The following GRB10 variants were observed in gnomAD, a reference collection of about 807,000 sequenced individuals.
The protein encoded by GRB10 is growth factor receptor bound protein 10.
In GRB10, 20 loss-of-function variants were observed where a neutral mutation model predicts 80.9. The observed-to-expected ratio is 0.25, with a 90% CI of 0.17 to 0.36. The LOEUF is 0.36. Among genes scored for constraint, GRB10 ranks in the 10% least tolerant of loss-of-function variants. The pLI is 1.00. For synonymous variants in GRB10, 291 were observed against 291.5 expected (o/e 1.00, Z 0.02); for missense variants, 548 against 747.7 (o/e 0.73, Z 3.12).
intron 7 of GRB10, among the ~76,000 whole-genome samples, chr7:50,660,713 G>A (rs182920998): frequency 7.4e-4 from 113 of 152,300 alleles, no homozygotes; most frequent in African/African-American, 2.6e-3. Context: ...CAGGTGTGAG[G>A]GGGGCCGAGG....
chr7:50,776,711 T>G (rs1456689606), intron 2 of GRB10, among the ~76,000 whole-genome samples: 1 of 152,240 alleles, frequency 6.6e-6, no homozygotes, highest in Non-Finnish European at 1.5e-5. Context: ...TTCAGCCAAG[T>G]TCTTTGCGCC....
At chr7:50,638,811 T>C (rs1043409384) in intron 7 of GRB10, among the ~76,000 whole-genome samples, 1 of 152,330 alleles carries the variant, frequency 6.6e-6, no homozygotes, top group East Asian at 1.9e-4. Context: ...CAAAGCACTA[T>C]TCACAATGGC....
intron 2 of GRB10, among the ~76,000 whole-genome samples, chr7:50,775,182 A>AAAAAAAAAAAAAC (rs1320410739): frequency 6.7e-6 from 1 of 149,128 alleles, no homozygotes; most frequent in Non-Finnish European, 1.5e-5. Flanking sequence ...AACAAAAAAA[A>AAAAAAAAAAAAAC]ACAGTGGAAC....
At chr7:50,716,328 C>T (rs900402853) in intron 4 of GRB10, among the ~76,000 whole-genome samples, 2 of 152,182 alleles carry the variant, frequency 1.3e-5, no homozygotes, top group Non-Finnish European at 2.9e-5. Context: ...AAGGGTCAAA[C>T]TATTTCCAAG....
rs113550371 is a variant in GRB10, at chr7:50,775,000, C to CA, written c.-217+5626dup. 1.5e-3 allele frequency among the ~76,000 whole-genome samples: 209 copies of CA among 143,066 alleles called. 1 individual carries two copies. The highest frequency in any genetic ancestry group is 4.3e-3 in the African/African-American group (165 of 38,786). 93.9% of individuals were successfully genotyped at this position (143,066 alleles called of 152,430 possible). On this transcript the variant is annotated intron_variant, in intron 2 of 18. Coordinates refer to ENST00000401949, the MANE Select transcript of GRB10 (RefSeq NM_001350814.2). Reference sequence around the variant, plus strand: ...CTCTAATACCAAAAACAAAACAAAACAAAAAAAAAAACTAGCTGGGCGTGA... The same window carrying CA: ...CTCTAATACCAAAAACAAAACAAAACAAAAAAAAAAAACTAGCTGGGCGTGA...
chr7:50,731,916 G>A (rs561007694), intron 4 of GRB10, among the ~76,000 whole-genome samples: 1 of 152,346 alleles, frequency 6.6e-6, no homozygotes, highest in African/African-American at 2.4e-5. Context: ...CCCGTCATCA[G>A]GAGTGTCTGG....
chr7:50,626,948 T>G lies in GRB10; in HGVS notation c.535A>C (p.Ser179Arg). 6.2e-7 allele frequency: 1 copy of G among 1,614,160 alleles called. No homozygotes were observed. The highest frequency in any genetic ancestry group is 8.5e-7 in the Non-Finnish European group (1 of 1,180,028). The change falls in exon 8 of 19, where the codon AGC becomes CGC. Residue 179 changes from serine (S) to arginine (R), a missense_variant. Ser to Arg is a moderately radical substitution (Grantham distance 110, BLOSUM62 -1). Transcript: ENST00000401949. ...DVKVFSEDGTSKVVEILADMT... is the reference protein window; with the variant it reads ...DVKVFSEDGTRKVVEILADMT... The stretch of plus-strand genomic sequence containing the variant: ...TCTGCTAGAATCTCCACCACTTTGC[T>G]TGTCCCATCTTCACTAAAGACTTTA...
chr7:50,627,004 C>T (rs1449711411), intron 7 of GRB10, 26 bp from the exon 8 acceptor site: 5 of 1,612,522 alleles, frequency 3.1e-6, no homozygotes, highest in Admixed American at 1.7e-5. Flanking sequence ...GGGATAGTTA[C>T]AGATAAACAA....
At chr7:50,705,345 G>A (rs2064889074) in intron 4 of GRB10, 7 of 970,610 alleles carry the variant, frequency 7.2e-6, no homozygotes, top group African/African-American at 1.8e-5. Flanking sequence ...AAAATAAAAC[G>A]AACAAAGCCC....
chr7:50,635,878 TC>T (rs2054871823), intron 7 of GRB10, among the ~76,000 whole-genome samples: 1 of 118,948 alleles, frequency 8.4e-6, no homozygotes, highest in Non-Finnish European at 1.7e-5. Flanking sequence ...TAAAATGGAA[TC>T]AGTAATTATA....
chr7:50,791,611 C>A (rs2078918495), intron 1 of GRB10, among the ~76,000 whole-genome samples: 1 of 152,200 alleles, frequency 6.6e-6, no homozygotes, highest in East Asian at 1.9e-4. Flanking sequence ...TTTGAAAGTG[C>A]CTTGTAAACT....
chr7:50,755,091 T>A (rs1364917128), intron 3 of GRB10, among the ~76,000 whole-genome samples: 1 of 152,298 alleles, frequency 6.6e-6, no homozygotes, highest in African/African-American at 2.4e-5. Flanking sequence ...GAAAACAAAC[T>A]TCTGTTGTGT....
intron 2 of GRB10, among the ~76,000 whole-genome samples, chr7:50,770,267 GA>G (rs1307851058): frequency 1.3e-5 from 2 of 152,204 alleles, no homozygotes; most frequent in African/African-American, 4.8e-5. Flanking sequence ...CTAGAAGACT[GA>G]AGAAGTAAGT....
Position 50,612,734 on chromosome 7 carries a change from C to CA in GRB10, c.1194+6dup, listed in dbSNP as rs769347735. 3.1e-6 allele frequency: 5 copies of CA among 1,605,164 alleles called. No homozygotes were observed. The African/African-American group carries it at 6.7e-5, about 21-fold the overall frequency. On this transcript the variant is annotated splice_region_variant and intron_variant, in intron 13 of 18. Transcript: ENST00000401949. ...GCACTCAACACAAACCGCAAGATGT[C>CA]ACATACCTTGAGGAGTCTGAACGCT...
At chr7:50,743,795 T>G in intron 3 of GRB10, among the ~76,000 whole-genome samples, 1 of 152,190 alleles carries the variant, frequency 6.6e-6, no homozygotes, top group African/African-American at 2.4e-5. Context: ...TCTTCCCTTT[T>G]GCCGTGCTGT....
At chr7:50,648,563 A>T (rs930510550) in intron 7 of GRB10, among the ~76,000 whole-genome samples, 1 of 152,056 alleles carries the variant, frequency 6.6e-6, no homozygotes, top group East Asian at 1.9e-4. Flanking sequence ...TGCCTTTGGG[A>T]ATCCTTATCC....
intron 7 of GRB10, among the ~76,000 whole-genome samples, chr7:50,654,767 C>G (rs1320008148): frequency 6.6e-6 from 1 of 152,090 alleles, no homozygotes; most frequent in Admixed American, 6.5e-5. Flanking sequence ...TCCCTACCTA[C>G]CTAGGAGAGT....
chr7:50,633,139 T>A (rs2715116), intron 7 of GRB10, among the ~76,000 whole-genome samples: 1 of 152,020 alleles, frequency 6.6e-6, no homozygotes, highest in African/African-American at 2.4e-5. Context: ...AAGTAATTCC[T>A]GCTGACAGTA....
chr7:50,664,994 G>T (rs143447379), intron 7 of GRB10, among the ~76,000 whole-genome samples: 86 of 152,290 alleles, frequency 5.6e-4, no homozygotes, highest in African/African-American at 1.9e-3. Context: ...CAATGACGAG[G>T]TATTATTAAA....
Sources: gnomAD v4.1 joint callset for allele counts (sites outside exome capture counted in the v4.1 genomes callset) on GRCh38, gnomAD v4.1.1 for gene constraint, MANE v1.5 for transcripts, NCBI Gene and HGNC (gene_info 2026-07-23, HGNC 2026-07-21) for gene names.